The following ECT2 variants were observed in gnomAD, a reference collection of about 807,000 sequenced individuals.
The protein encoded by ECT2 is protein ECT2.
In ECT2, 61 loss-of-function variants were observed where a neutral mutation model predicts 116.9. That is an observed-to-expected ratio of 0.52 (90% CI 0.42 to 0.65). The LOEUF is 0.65. Ranked by LOEUF, ECT2 falls within the 30% of genes least tolerant of loss-of-function variation. The pLI, the probability that ECT2 is intolerant of heterozygous loss-of-function variation, is 0.00. For missense variants in ECT2, 937 were observed against 1,078.7 expected (o/e 0.87, Z 1.84); for synonymous variants, 358 against 346.4 (o/e 1.03, Z -0.37).
intron 6 of ECT2, among the ~76,000 whole-genome samples, chr3:172,759,661 G>T (rs1157637050): frequency 6.6e-6 from 1 of 151,958 alleles, no homozygotes; most frequent in Non-Finnish European, 1.5e-5. Flanking sequence ...AGCCAGGATG[G>T]TCTTGATCTC....
chr3:172,752,526 TTGAA>T (rs1310482844), intron 1 of ECT2: 1 of 152,100 alleles, frequency 6.6e-6, no homozygotes, highest in Non-Finnish European at 1.5e-5. Flanking sequence ...TAAGGGGACT[TTGAA>T]TGAAAGCCAC....
chr3:172,815,556 A>G, intron 22 of ECT2, 48 bp from the exon 23 acceptor site: 2 of 1,228,206 alleles, frequency 1.6e-6, no homozygotes, highest in Non-Finnish European at 1.2e-6. Context: ...TGATTTTTAG[A>G]AACAGTTGTG....
chr3:172,806,466 G>T (rs1405062960), intron 21 of ECT2, among the ~76,000 whole-genome samples: 1 of 152,040 alleles, frequency 6.6e-6, no homozygotes, highest in African/African-American at 2.4e-5. Context: ...AGTGTCATCT[G>T]TTTAATTGAC....
intron 18 of ECT2, among the ~76,000 whole-genome samples, chr3:172,787,245 A>G (rs371081263): frequency 1.3e-5 from 2 of 152,194 alleles, no homozygotes; most frequent in Non-Finnish European, 2.9e-5. Context: ...AATAGGTTTA[A>G]TTGATTTCTG....
intron 22 of ECT2, among the ~76,000 whole-genome samples, chr3:172,813,529 T>G (rs577773764): frequency 4.6e-5 from 7 of 152,250 alleles, no homozygotes; most frequent in African/African-American, 1.7e-4. Flanking sequence ...TTTAATATTT[T>G]CGTATACAAA....
Position 172,805,887 on chromosome 3 carries a change from A to G in ECT2, c.2245+18A>G, listed in dbSNP as rs769982709. 6.2e-6 allele frequency: 10 copies of G among 1,604,746 alleles called. No individual in the cohort carries two copies. Among genetic ancestry groups the G allele is most frequent in the Non-Finnish European group, 8.5e-6 (10 of 1,176,506 alleles). ...GACAGAAGGTATGCCGGTCGGATAC[A>G]TTCTTGGTTATATAAAAATAGTTTA... On this transcript the variant is annotated intron_variant, in intron 21 of 24. Transcript: ENST00000392692.
intron 12 of ECT2, among the ~76,000 whole-genome samples, chr3:172,766,242 C>CT (rs1160536945): frequency 6.6e-6 from 1 of 152,090 alleles, no homozygotes; most frequent in Non-Finnish European, 1.5e-5. Context: ...AGCATACAAA[C>CT]TGAGTTTTTA....
chr3:172,828,772 A>G, the ECT2 span: 2 of 634,262 alleles, frequency 3.2e-6, no homozygotes, highest in Non-Finnish European at 5.7e-6. Context: ...ATCAAACAGA[A>G]GAACCCCCCA....
intron 16 of ECT2, among the ~76,000 whole-genome samples, chr3:172,784,175 C>G: frequency 6.6e-6 from 1 of 151,544 alleles, no homozygotes; most frequent in East Asian, 1.9e-4. Flanking sequence ...GGTGCACCGG[C>G]CAATGTCAGC....
At chr3:172,788,744 CTT>C (rs1206684353) in intron 18 of ECT2, among the ~76,000 whole-genome samples, 1 of 152,172 alleles carries the variant, frequency 6.6e-6, no homozygotes. Flanking sequence ...ATGTACATAT[CTT>C]AATGAAAAAT....
At chr3:172,818,573 A>G (rs989808947) in intron 24 of ECT2, 56 of 1,283,164 alleles carry the variant, frequency 4.4e-5, no homozygotes, top group African/African-American at 2.9e-4. Context: ...TCCACAAGCA[A>G]TGTAATTGGA....
chr3:172,783,682 T>C (rs1723112281), intron 15 of ECT2, 117 bp from the exon 16 acceptor site: 3 of 659,620 alleles, frequency 4.5e-6, no homozygotes. Flanking sequence ...AAATTTACTT[T>C]AAACTTTTGC....
chr3:172,828,348 GTGTGGCTGTGTC>G, the ECT2 span, among the ~76,000 whole-genome samples: 9 of 152,154 alleles, frequency 5.9e-5, no homozygotes, highest in African/African-American at 2.2e-4. Context: ...GTGTGTGTGT[GTGTGGCTGTGTC>G]TGTGTGTGTG....
chr3:172,760,224 A>C lies in ECT2; in HGVS notation c.645A>C (p.Thr215=), dbSNP rs1374935595. Residue 215 remains threonine, a synonymous_variant, in exon 7 of 25, where the codon ACA becomes ACC. Transcript: ENST00000392692. ...VIRKDFNSKV[T]HLVANCTQGE... ...GAAAAGACTTTAATTCAAAAGTTAC[A>C]CATTTGGTGGCAAATTGTACACAAG... 4 of 1,612,358 alleles carry C rather than the reference A, an allele frequency of 2.5e-6. No individual in the cohort carries two copies. Among genetic ancestry groups the C allele is most frequent in the Non-Finnish European group, 2.5e-6 (3 of 1,179,070 alleles).
At chr3:172,801,863 T>C (rs930497642) in intron 18 of ECT2, among the ~76,000 whole-genome samples, 10 of 152,226 alleles carry the variant, frequency 6.6e-5, no homozygotes, top group Non-Finnish European at 1.5e-4. Flanking sequence ...TTCCCTGTTA[T>C]TCAGTCTTGT....
intron 14 of ECT2, among the ~76,000 whole-genome samples, chr3:172,780,271 C>T (rs1260357867): frequency 3.3e-5 from 5 of 151,974 alleles, no homozygotes; most frequent in East Asian, 1.9e-4. Context: ...CTAAATGTAG[C>T]GTGTTAGAAG....
the ECT2 span, chr3:172,828,977 C>T: frequency 9.1e-6 from 11 of 1,214,226 alleles, no homozygotes; most frequent in Non-Finnish European, 1.2e-5. Flanking sequence ...AAATTGGTTG[C>T]TGTGTCAATG....
At chr3:172,754,773 T>A in intron 2 of ECT2, 113 bp downstream of exon 2, 1 of 762,542 alleles carries the variant, frequency 1.3e-6, no homozygotes, top group Non-Finnish European at 2.0e-6. Flanking sequence ...GCACAGGTAT[T>A]AAGTAAATAT....
intron 20 of ECT2, among the ~76,000 whole-genome samples, chr3:172,803,807 T>A (rs1727160508): frequency 6.8e-6 from 1 of 147,450 alleles, no homozygotes; most frequent in East Asian, 1.9e-4. Flanking sequence ...TTTCTTTTCG[T>A]TTTTCTTTTT....
Sources: gnomAD v4.1 joint callset for allele counts (sites outside exome capture counted in the v4.1 genomes callset) on GRCh38, gnomAD v4.1.1 for gene constraint, MANE v1.5 for transcripts, NCBI Gene and HGNC (gene_info 2026-07-23, HGNC 2026-07-21) for gene names.